Variants in GRIP1 observed in about 807,000 individuals in gnomAD.
GRIP1 encodes glutamate receptor-interacting protein 1.
GRIP1 carries 45 observed loss-of-function variants against 129.9 expected under a neutral mutation model. The ratio of observed to expected loss-of-function variants is 0.35; its 90% CI spans 0.27 to 0.44. The LOEUF (loss-of-function observed/expected upper bound fraction) is 0.44. Among genes scored for constraint, GRIP1 ranks in the 20% least tolerant of loss-of-function variants. The pLI is 1.00. For missense variants in GRIP1, 1,196 were observed against 1,396.8 expected (o/e 0.86, Z 2.29); for synonymous variants, 530 against 520.8 (o/e 1.02, Z -0.24).
intron 1 of GRIP1, among the ~76,000 whole-genome samples, chr12:66,757,443 G>A (rs1006167130): frequency 5.9e-5 from 9 of 152,072 alleles, no homozygotes; most frequent in African/African-American, 2.2e-4. Flanking sequence ...AGTCAATTCT[G>A]TGTAAGTACC....
At chr12:66,820,674 C>CA (rs35956015) in intron 1 of GRIP1, among the ~76,000 whole-genome samples, 5 of 150,142 alleles carry the variant, frequency 3.3e-5, no homozygotes, top group East Asian at 3.9e-4. Context: ...TATTTAGCAC[C>CA]AAAAAAAATG....
chr12:66,960,091 T>C (rs748100471), intron 1 of GRIP1, among the ~76,000 whole-genome samples: 3 of 152,200 alleles, frequency 2.0e-5, no homozygotes, highest in African/African-American at 2.4e-5. Context: ...CCACATCACA[T>C]AGATTATCTA....
At chr12:66,898,267 T>C (rs1337454999) in intron 1 of GRIP1, among the ~76,000 whole-genome samples, 1 of 152,176 alleles carries the variant, frequency 6.6e-6, no homozygotes, top group Admixed American at 6.5e-5. Context: ...GGTTATAGCT[T>C]ATGGCATTTT....
chr12:66,805,608 T>C (rs965544692), upstream of GRIP1, among the ~76,000 whole-genome samples: 1 of 152,208 alleles, frequency 6.6e-6, no homozygotes, highest in Non-Finnish European at 1.5e-5. Flanking sequence ...GTCAAGTTTG[T>C]AGGATCATCC....
chr12:66,529,910 C>A lies in GRIP1; in HGVS notation c.423G>T (p.Val141=). The A allele has an allele frequency of 6.4e-7, 1 of 1,568,606 alleles. No individual in the cohort carries two copies. ...TTCGGAAAATAACACTTGATCCTTG[C>A]ACAGCTGAATAAAGGAAAGAGAGAA... ...EVEYELPPVS[V]QGSSVIFRTV... Residue 141 remains valine, a synonymous_variant, in exon 5 of 25, where the codon GTG becomes GTT. Transcript: ENST00000359742.
At chr12:66,690,578 T>A (rs1267408798) in intron 1 of GRIP1, among the ~76,000 whole-genome samples, 1 of 151,580 alleles carries the variant, frequency 6.6e-6, no homozygotes, top group Non-Finnish European at 1.5e-5. Flanking sequence ...TATTTTTAAT[T>A]TTTTAGACCA....
At chr12:66,432,177 C>T (rs181366530) in intron 14 of GRIP1, among the ~76,000 whole-genome samples, 131 of 152,120 alleles carry the variant, frequency 8.6e-4, no homozygotes, top group Non-Finnish European at 8.8e-4. Flanking sequence ...CTATATGCAT[C>T]TATCTCTCAT....
chr12:66,517,320 A>G (rs1032825780), intron 6 of GRIP1, among the ~76,000 whole-genome samples: 7 of 152,312 alleles, frequency 4.6e-5, no homozygotes, highest in Admixed American at 3.3e-4. Context: ...TGCCCTTCAC[A>G]TATTCAAATT....
chr12:66,508,298 C>A (rs890582810), intron 7 of GRIP1, among the ~76,000 whole-genome samples: 1 of 152,132 alleles, frequency 6.6e-6, no homozygotes, highest in African/African-American at 2.4e-5. Flanking sequence ...TCACAGTTGT[C>A]TTTAAGTGCC....
intron 1 of GRIP1, among the ~76,000 whole-genome samples, chr12:66,917,378 C>T (rs1369727595): frequency 6.6e-6 from 1 of 152,166 alleles, no homozygotes; most frequent in African/African-American, 2.4e-5. Context: ...ATTGTGAGCA[C>T]ACTTCCCTCA....
intron 1 of GRIP1, among the ~76,000 whole-genome samples, chr12:66,878,305 A>G (rs936562826): frequency 1.3e-5 from 2 of 152,102 alleles, no homozygotes; most frequent in African/African-American, 4.8e-5. Flanking sequence ...AACCTGGAAG[A>G]GGGAAGAAGA....
chr12:66,671,577 C>T (rs1946610887), intron 1 of GRIP1, among the ~76,000 whole-genome samples: 1 of 152,118 alleles, frequency 6.6e-6, no homozygotes, highest in Non-Finnish European at 1.5e-5. Context: ...GCCCTTGTTG[C>T]CTTTAATGCA....
chr12:66,668,969 A>T (rs1565954815), intron 1 of GRIP1, among the ~76,000 whole-genome samples: 1 of 152,130 alleles, frequency 6.6e-6, no homozygotes, highest in Non-Finnish European at 1.5e-5. Flanking sequence ...TAAGCAAAAA[A>T]TAAAAAGATC....
intron 13 of GRIP1, among the ~76,000 whole-genome samples, chr12:66,443,446 C>G (rs1359088338): frequency 6.8e-6 from 1 of 147,652 alleles, no homozygotes; most frequent in Non-Finnish European, 1.5e-5. Context: ...TTTCTTTTCT[C>G]TTTCTTTTTT....
chr12:66,393,491 GGT>G (rs2056673510), intron 17 of GRIP1, among the ~76,000 whole-genome samples: 1 of 152,010 alleles, frequency 6.6e-6, no homozygotes, highest in African/African-American at 2.4e-5. Flanking sequence ...TAATTTCTAA[GGT>G]ACACTGCAGC....
chr12:66,647,061 A>G (rs2032429036), intron 1 of GRIP1, among the ~76,000 whole-genome samples: 1 of 152,256 alleles, frequency 6.6e-6, no homozygotes, highest in Non-Finnish European at 1.5e-5. Flanking sequence ...GGGAAGCAAC[A>G]GCCAGGCTGA....
At chr12:66,478,382 G>A (rs1468834606) in intron 7 of GRIP1, among the ~76,000 whole-genome samples, 2 of 152,118 alleles carry the variant, frequency 1.3e-5, no homozygotes, top group African/African-American at 2.4e-5. Context: ...GAAACAACAG[G>A]TGCTGGAGAG....
intron 1 of GRIP1, among the ~76,000 whole-genome samples, chr12:66,919,753 T>C (rs932350557): frequency 1.3e-5 from 2 of 152,150 alleles, no homozygotes; most frequent in East Asian, 1.9e-4. Context: ...TCACAATGTA[T>C]AATATTCACT....
At position 66,979,222 on chromosome 12, in the gene GRIP1, T is replaced by TAAAAAAAAAAAAAA. The variant is rs35306665; in HGVS notation, c.58+89814_58+89827dup. 1.3e-3 allele frequency among the ~76,000 whole-genome samples: 53 copies of TAAAAAAAAAAAAAA among 41,444 alleles called. 13 individuals carry two copies. The highest frequency in any genetic ancestry group is 3.0e-3 in the Admixed American group (7 of 2,334). 27.2% of individuals were successfully genotyped at this position (41,444 alleles called of 152,430 possible). ...CCCCAAGCCACAAAACTTCTCTTCTTAAAAAAAAAAAAAAAAAAAAAAAAA... is the reference window on the plus strand; with the variant it reads ...CCCCAAGCCACAAAACTTCTCTTCTTAAAAAAAAAAAAAAAAAAAAAAAAAAAAAAAAAAAAAAA... On this transcript the variant is annotated intron_variant, in intron 1 of 1. Coordinates refer to the GRIP1 transcript ENST00000643019.
Sources: allele counts gnomAD v4.1 joint callset (sites outside exome capture counted in the v4.1 genomes callset), GRCh38; gene constraint gnomAD v4.1.1; transcripts MANE v1.5; gene names NCBI Gene and HGNC (gene_info 2026-07-23, HGNC 2026-07-21).